The following ARID3B variants were observed in gnomAD, a reference collection of about 807,000 sequenced individuals.
The protein encoded by ARID3B is AT-rich interaction domain 3B, also known as AT-rich interactive domain-containing protein 3B.
In ARID3B, 10 loss-of-function variants were observed where a neutral mutation model predicts 51.9. The observed-to-expected ratio is 0.19, with a 90% CI of 0.12 to 0.33. ARID3B has a LOEUF of 0.33. ARID3B is among the 10% of genes least tolerant of loss of function. The probability of loss-of-function intolerance (pLI) is 1.00; values close to 1 mark genes in which losing one functional copy is unlikely to be tolerated. For synonymous variants in ARID3B, 205 were observed against 279.5 expected, an observed-to-expected ratio of 0.73 and a Z score of 2.66; for missense variants, 483 against 716.3, an observed-to-expected ratio of 0.67 and a Z score of 3.72.
rs1265683856 is a variant in ARID3B, at chr15:74,596,454, G to A, written c.*680G>A. Reference sequence around the variant, plus strand: ...CTGCTGATGGGAAGGCAGAGCCTCGGGGCTGCCCAGCCCTGGCACCTGCTT... The same window carrying A: ...CTGCTGATGGGAAGGCAGAGCCTCGAGGCTGCCCAGCCCTGGCACCTGCTT... On this transcript the variant is annotated 3_prime_UTR_variant, in exon 9 of 9. Coordinates refer to ENST00000346246, the MANE Select transcript of ARID3B (RefSeq NM_006465.4). The A allele has an allele frequency of 4.3e-6, 1 of 233,414 alleles. No homozygotes were observed. The highest frequency in any genetic ancestry group is 2.2e-5 in the African/African-American group (1 of 45,332). The allele number at this position is 233,414 out of a possible 1,614,324, so 14.5% of individuals were successfully genotyped here.
chr15:74,556,579 C>A (rs1381676226), intron 2 of ARID3B, among the ~76,000 whole-genome samples: 2 of 152,174 alleles, frequency 1.3e-5, no homozygotes, highest in Non-Finnish European at 2.9e-5. Context: ...CCTCTCCAAT[C>A]CTATTTACCA....
intron 2 of ARID3B, among the ~76,000 whole-genome samples, chr15:74,549,659 G>T (rs1014777457): frequency 6.6e-5 from 10 of 151,956 alleles, no homozygotes; most frequent in Non-Finnish European, 1.3e-4. Flanking sequence ...GCCCAAAAAA[G>T]AAAATGTTCG....
rs563098592 is a variant in ARID3B at position 74,597,003 on chromosome 15, G to C, written c.*1229G>C. 33 of 234,124 alleles carry C rather than the reference G, an allele frequency of 1.4e-4. No homozygotes were observed. The highest frequency in any genetic ancestry group is 2.4e-4 in the Non-Finnish European group (28 of 118,452). The allele number at this position is 234,124 out of a possible 1,614,324, so 14.5% of individuals were successfully genotyped here. A position where few individuals can be genotyped will look rare whatever the true frequency, so the allele number is the denominator to read the frequency against. ...GAGAGGCCCGCTCTCACACCGGGTCGGGCCCTGAAACTGTACCAGTTCTGA... is the reference window on the plus strand; with the variant it reads ...GAGAGGCCCGCTCTCACACCGGGTCCGGCCCTGAAACTGTACCAGTTCTGA... On this transcript the variant is annotated 3_prime_UTR_variant, in exon 9 of 9. Transcript: ENST00000346246.
At chr15:74,571,518 T>G (rs2061718814) in intron 2 of ARID3B, among the ~76,000 whole-genome samples, 1 of 152,176 alleles carries the variant, frequency 6.6e-6, no homozygotes, top group Non-Finnish European at 1.5e-5. Context: ...ACAAGAGAGT[T>G]ATACTGTGAG....
In ARID3B at chr15:74,544,385, G is replaced by C. The variant is rs2061607536; in HGVS notation, c.449G>C (p.Gly150Ala). The change falls in exon 2 of 9, where the codon GGA becomes GCA. Residue 150 changes from glycine to alanine, a missense_variant. By Grantham distance (60) the Gly-to-Ala change is moderately conservative. Transcript: ENST00000346246. The part of the protein sequence containing the change: ...LLPAPGLPPH[G>A]QQAKEDHTKD... ...CCAGCACCAGGGCTCCCACCACATG[G>C]ACAACAAGCTAAAGAAGACCATACC... 6.2e-7 allele frequency: 1 copy of C among 1,613,740 alleles called. No individual in the cohort carries two copies. The highest frequency in any genetic ancestry group is 8.5e-7 in the Non-Finnish European group (1 of 1,179,852).
At chr15:74,546,200 G>C (rs780178195) in intron 2 of ARID3B, among the ~76,000 whole-genome samples, 1 of 152,076 alleles carries the variant, frequency 6.6e-6, no homozygotes, top group African/African-American at 2.4e-5. Context: ...GCCCAGACCC[G>C]CCTCCCACTG....
intron 4 of ARID3B, among the ~76,000 whole-genome samples, chr15:74,584,782 C>T (rs2061774171): frequency 6.6e-6 from 1 of 152,248 alleles, no homozygotes; most frequent in Non-Finnish European, 1.5e-5. Flanking sequence ...GCACTGGAAG[C>T]TCCTGATCAC....
At chr15:74,572,968 C>G (rs1249491315) in intron 3 of ARID3B, 35 bp downstream of exon 3, 1 of 1,608,738 alleles carries the variant, frequency 6.2e-7, no homozygotes, top group African/African-American at 1.3e-5. Flanking sequence ...CAGATAGGGG[C>G]AGTTCTGCAG....
At chr15:74,582,376 C>A (rs1314745452) in intron 4 of ARID3B, among the ~76,000 whole-genome samples, 2 of 152,190 alleles carry the variant, frequency 1.3e-5, no homozygotes, top group African/African-American at 4.8e-5. Context: ...CCATGCTGGA[C>A]AGGCTGGTCT....
intron 5 of ARID3B, among the ~76,000 whole-genome samples, 156 bp downstream of exon 5, chr15:74,590,159 A>G (rs1268305749): frequency 6.6e-6 from 1 of 152,210 alleles, no homozygotes; most frequent in Admixed American, 6.5e-5. Context: ...CCCTCACTAA[A>G]CCAAGTAGTG....
At chr15:74,563,476 A>C (rs1464424171) in intron 2 of ARID3B, among the ~76,000 whole-genome samples, 1 of 152,238 alleles carries the variant, frequency 6.6e-6, no homozygotes. Context: ...CTATACATTT[A>C]AAATGTGTTG....
intron 2 of ARID3B, among the ~76,000 whole-genome samples, chr15:74,545,351 C>G (rs999595905): frequency 2.6e-5 from 4 of 152,166 alleles, no homozygotes; most frequent in African/African-American, 9.7e-5. Context: ...GGGTAGACCT[C>G]AAAATTTCCT....
intron 2 of ARID3B, among the ~76,000 whole-genome samples, chr15:74,549,092 T>TTTCTTTTTTC (rs1211235907): frequency 6.6e-6 from 1 of 151,768 alleles, no homozygotes; most frequent in African/African-American, 2.4e-5. Flanking sequence ...TTTCTTTTTT[T>TTTCTTTTTTC]TTAGACGGTG....
chr15:74,568,610 TTC>T (rs2061707900), intron 2 of ARID3B, among the ~76,000 whole-genome samples: 2 of 152,222 alleles, frequency 1.3e-5, no homozygotes, highest in African/African-American at 4.8e-5. Flanking sequence ...CTGCTACCTT[TTC>T]TCTTTCCCCC....
chr15:74,547,575 C>A (rs1176851595), intron 2 of ARID3B, among the ~76,000 whole-genome samples: 1 of 152,188 alleles, frequency 6.6e-6, no homozygotes, highest in Non-Finnish European at 1.5e-5. Flanking sequence ...CAGACCTGTG[C>A]TGTATGAAAC....
chr15:74,574,594 C>G (rs762888796), intron 4 of ARID3B: 1 of 152,114 alleles, frequency 6.6e-6, no homozygotes, highest in African/African-American at 2.4e-5. Context: ...AAAAGGCAAT[C>G]GAAAGTTTTG....
chr15:74,548,417 T>C (rs946101070), intron 2 of ARID3B, among the ~76,000 whole-genome samples: 1 of 152,156 alleles, frequency 6.6e-6, no homozygotes, highest in Non-Finnish European at 1.5e-5. Context: ...TGGCAGTCGC[T>C]TTGGTTACTG....
intron 4 of ARID3B, among the ~76,000 whole-genome samples, chr15:74,583,604 C>T (rs1448048129): frequency 6.6e-6 from 1 of 152,082 alleles, no homozygotes; most frequent in Non-Finnish European, 1.5e-5. Flanking sequence ...GTAATCCCAG[C>T]CACTTGGGAG....
intron 1 of ARID3B, among the ~76,000 whole-genome samples, chr15:74,542,868 A>G (rs2061599838): frequency 6.6e-6 from 1 of 152,160 alleles, no homozygotes; most frequent in Admixed American, 6.5e-5. Flanking sequence ...AAAGGAGAAG[A>G]GGGTGTGAAA....
Sources: gnomAD v4.1 joint callset for allele counts (sites outside exome capture counted in the v4.1 genomes callset) on GRCh38, gnomAD v4.1.1 for gene constraint, MANE v1.5 for transcripts, NCBI Gene and HGNC (gene_info 2026-07-23, HGNC 2026-07-21) for gene names.